The following PTP4A3 variants were observed in gnomAD, a reference collection of about 807,000 sequenced individuals.
PTP4A3 encodes the protein protein tyrosine phosphatase 4A3.
In PTP4A3, 9 loss-of-function variants were observed where a neutral mutation model predicts 15.2. That is an observed-to-expected ratio of 0.59 (90% CI 0.36 to 1.03). The LOEUF is 1.03. Ranked by LOEUF, PTP4A3 falls within the 50% of genes least tolerant of loss-of-function variation. The pLI is 0.02. For synonymous variants in PTP4A3, 95 were observed against 102.0 expected (o/e 0.93, Z 0.41); for missense variants, 234 against 252.1 (o/e 0.93, Z 0.49).
intron 1 of PTP4A3, among the ~76,000 whole-genome samples, chr8:141,419,406 C>T (rs1279572810): frequency 6.6e-6 from 1 of 152,228 alleles, no homozygotes; most frequent in Non-Finnish European, 1.5e-5. Flanking sequence ...CCTGCTGCCC[C>T]AAGAGGGACC....
intron 1 of PTP4A3, among the ~76,000 whole-genome samples, chr8:141,421,109 A>C (rs1288195677): frequency 6.6e-6 from 1 of 152,096 alleles, no homozygotes; most frequent in Non-Finnish European, 1.5e-5. Context: ...TGTGTCCCTG[A>C]AATCCCTGTC....
intron 2 of PTP4A3, among the ~76,000 whole-genome samples, chr8:141,423,825 G>A (rs137943290): frequency 1.3e-5 from 2 of 152,110 alleles, no homozygotes; most frequent in East Asian, 1.9e-4. Context: ...CAGGGTTAAC[G>A]CTTAGTGTCT....
chr8:141,401,990 C>G (rs1333018540), intron 1 of PTP4A3, among the ~76,000 whole-genome samples: 1 of 152,318 alleles, frequency 6.6e-6, no homozygotes, highest in East Asian at 1.9e-4. Flanking sequence ...GGCCATTCCT[C>G]CAGCTCCCGG....
Position 141,421,806 on chromosome 8 carries a change from G to A in PTP4A3, c.-435G>A, listed in dbSNP as rs1343818661. ...TGTGGAGAGGGCGCCCCCGGTGTGG[G>A]GTCCAGCTCTGGACACTGCTTGGCG... On this transcript the variant is annotated 5_prime_UTR_variant, in exon 2 of 6. Coordinates refer to ENST00000521578, the MANE Select transcript of PTP4A3 (RefSeq NM_032611.3). 6.2e-6 allele frequency: 1 copy of A among 160,716 alleles called. No individual in the cohort carries two copies. Among genetic ancestry groups the A allele is most frequent in the Non-Finnish European group, 1.4e-5 (1 of 74,064 alleles). 10.0% of individuals were successfully genotyped at this position (160,716 alleles called of 1,614,324 possible). A position where few individuals can be genotyped will look rare whatever the true frequency, so the allele number is the denominator to read the frequency against.
chr8:141,427,610 G>A (rs1833638028), intron 4 of PTP4A3, 140 bp from the exon 5 acceptor site: 1 of 685,986 alleles, frequency 1.5e-6, no homozygotes, highest in East Asian at 2.8e-5. Context: ...CTGTGAGGCT[G>A]TGGCCTCCAT....
In PTP4A3 at chr8:141,406,518, C is replaced by T. The variant is rs75077760; in HGVS notation, c.-854+14434C>T. Reference sequence around the variant, plus strand: ...TCCTGCCTCTGGCCCTTGCTCAAGCCGCGCCCCCATCTGGATGCCCACTTC... The same window carrying T: ...TCCTGCCTCTGGCCCTTGCTCAAGCTGCGCCCCCATCTGGATGCCCACTTC... On this transcript the variant is annotated intron_variant, in intron 1 of 5. Coordinates refer to ENST00000521578, the MANE Select transcript of PTP4A3 (RefSeq NM_032611.3). The surrounding 1 kb of genome is among the most constrained non-coding windows in gnomAD (Gnocchi z 4.5). Among the ~76,000 whole-genome samples the T allele has an allele frequency of 0.051, 7,739 of 152,158 alleles. 671 individuals carry two copies. Among genetic ancestry groups the T allele is most frequent in the African/African-American group, 0.18 (7,324 of 41,466 alleles).
chr8:141,430,433 T>C (rs1184064289), intron 5 of PTP4A3, among the ~76,000 whole-genome samples: 10 of 134,982 alleles, frequency 7.4e-5, no homozygotes, highest in South Asian at 2.5e-4. Flanking sequence ...GGTGAGCGCA[T>C]AGCCCAGGTC....
rs1833549400 is a variant in PTP4A3 at position 141,425,826 on chromosome 8, T to TTGGCGGTTTGGAATGGTGGCAGCGC, written c.198+698_198+722dup. The stretch of plus-strand genomic sequence containing the variant: ...GGGGTTGCAGTTTTGTGACCTCAGC[T>TTGGCGGTTTGGAATGGTGGCAGCGC]TGGCGGTTTGGAATGGTGGCAGCGC... On this transcript the variant is annotated intron_variant, in intron 3 of 5. Transcript: ENST00000521578. This position sits in a 1 kb window ranked among gnomAD's most constrained non-coding sequence, Gnocchi z 4.2. Among the ~76,000 whole-genome samples the TTGGCGGTTTGGAATGGTGGCAGCGC allele has an allele frequency of 6.6e-6, 1 of 152,200 alleles. No individual in the cohort carries two copies. The highest frequency in any genetic ancestry group is 1.5e-5 in the Non-Finnish European group (1 of 68,018).
chr8:141,431,269 C>T lies in PTP4A3; in HGVS notation c.*225C>T, dbSNP rs1273978087. On this transcript the variant is annotated 3_prime_UTR_variant, in exon 6 of 6. Transcript: ENST00000521578. ...CCCTTTCTCCTGTCTCCGCCACTCCCTCTGGCGGCGCTGGCCGTGGCTCTG... is the reference window on the plus strand; with the variant it reads ...CCCTTTCTCCTGTCTCCGCCACTCCTTCTGGCGGCGCTGGCCGTGGCTCTG... 2 of 572,862 alleles carry T rather than the reference C, an allele frequency of 3.5e-6. No homozygotes were observed. The highest frequency in any genetic ancestry group is 6.2e-6 in the Non-Finnish European group (2 of 324,078). The allele number at this position is 572,862 out of a possible 1,614,324, so 35.5% of individuals were successfully genotyped here. A position where few individuals can be genotyped will look rare whatever the true frequency, so the allele number is the denominator to read the frequency against.
intron 5 of PTP4A3, 100 bp from the exon 6 acceptor site, chr8:141,430,823 CCTTA>C (rs1833837236): frequency 9.1e-7 from 1 of 1,098,750 alleles, no homozygotes; most frequent in African/African-American, 1.6e-5. Context: ...AGCCTCAAGG[CCTTA>C]CTCCAGCCCA....
chr8:141,408,686 G>C (rs1374157436), intron 1 of PTP4A3, among the ~76,000 whole-genome samples: 1 of 152,106 alleles, frequency 6.6e-6, no homozygotes, highest in Non-Finnish European at 1.5e-5. Flanking sequence ...AATAAATTAG[G>C]ATAGCACCCC....
chr8:141,414,628 G>T (rs562083742), intron 1 of PTP4A3, among the ~76,000 whole-genome samples: 10 of 151,830 alleles, frequency 6.6e-5, no homozygotes, highest in East Asian at 5.8e-4. Context: ...GACTGGGGGG[G>T]GGGTAGGGAC....
chr8:141,413,697 C>G (rs1201108170), intron 1 of PTP4A3, among the ~76,000 whole-genome samples: 1 of 152,218 alleles, frequency 6.6e-6, no homozygotes. Flanking sequence ...GGCCTGGGAA[C>G]CTGCATGTTA....
Position 141,425,237 on chromosome 8 carries a change from T to G in PTP4A3, c.198+97T>G. 3 of 1,250,422 alleles carry G rather than the reference T, an allele frequency of 2.4e-6. No homozygotes were observed. The highest frequency in any genetic ancestry group is 1.4e-5 in the South Asian group (1 of 74,024). 77.5% of individuals were successfully genotyped at this position (1,250,422 alleles called of 1,614,324 possible). On this transcript the variant is annotated intron_variant, in intron 3 of 5. Coordinates refer to ENST00000521578, the MANE Select transcript of PTP4A3 (RefSeq NM_032611.3). This position sits in a 1 kb window ranked among gnomAD's most constrained non-coding sequence, Gnocchi z 4.2. Reference sequence around the variant, plus strand: ...TGCGCAGAGGGTTTGGTGCCCCTCCTGTGGCAGCCCTGGGCATGTCTGTGC... The same window carrying G: ...TGCGCAGAGGGTTTGGTGCCCCTCCGGTGGCAGCCCTGGGCATGTCTGTGC...
chr8:141,420,697 G>A lies in PTP4A3; in HGVS notation c.-853-691G>A, dbSNP rs557838190. ...GCAGAGCTGGCCTGTTTATCCCCGA[G>A]CCTGGCTGAGACCTGTGTGAGCAGT... On this transcript the variant is annotated intron_variant, in intron 1 of 5. Transcript: ENST00000521578. Among the ~76,000 whole-genome samples, 259 of 152,378 alleles carry A rather than the reference G, an allele frequency of 1.7e-3. 2 individuals are homozygous for A. The highest frequency in any genetic ancestry group is 5.0e-3 in the African/African-American group (210 of 41,590).
At chr8:141,429,617 G>T (rs1215496384) in intron 5 of PTP4A3, among the ~76,000 whole-genome samples, 1 of 150,908 alleles carries the variant, frequency 6.6e-6, no homozygotes, top group Non-Finnish European at 1.5e-5. Flanking sequence ...CACAGCCCAC[G>T]TCCCCGCTGT....
intron 1 of PTP4A3, among the ~76,000 whole-genome samples, chr8:141,409,849 C>T (rs1253885150): frequency 6.6e-6 from 1 of 152,264 alleles, no homozygotes; most frequent in African/African-American, 2.4e-5. Context: ...GGGGCCGTGG[C>T]TGGGTGCCCA....
At chr8:141,397,184 G>A (rs11785314) in intron 1 of PTP4A3, among the ~76,000 whole-genome samples, 1 of 152,246 alleles carries the variant, frequency 6.6e-6, no homozygotes, top group Non-Finnish European at 1.5e-5. Flanking sequence ...GGGGCTCGGG[G>A]AAGGTGGCTG....
intron 1 of PTP4A3, chr8:141,392,582 C>T (rs1333217843): frequency 6.6e-6 from 1 of 152,316 alleles, no homozygotes; most frequent in African/African-American, 2.4e-5. Flanking sequence ...GGTCTCAGGC[C>T]GGGTGGAGTC....
Sources: gnomAD v4.1 joint callset for allele counts (sites outside exome capture counted in the v4.1 genomes callset) on GRCh38, gnomAD v4.1.1 for gene constraint, Gnocchi (gnomAD v3.1) non-coding constraint, MANE v1.5 for transcripts, NCBI Gene and HGNC (gene_info 2026-07-23, HGNC 2026-07-21) for gene names.